ABCC4: variants seen among roughly 807,000 people sequenced by gnomAD.
The protein encoded by ABCC4 is ATP-binding cassette sub-family C member 4.
A neutral mutation model predicts 168.5 loss-of-function variants in ABCC4; 102 were observed. The observed-to-expected ratio is 0.61, with a 90% CI of 0.52 to 0.71. The LOEUF is 0.71. Among genes scored for constraint, ABCC4 ranks in the 30% least tolerant of loss-of-function variants. ABCC4 has a pLI of 0.00. For missense variants in ABCC4, 1,402 were observed against 1,605.8 expected (o/e 0.87, Z 2.17); for synonymous variants, 617 against 590.7 (o/e 1.04, Z -0.65).
chr13:95,134,650 G>A (rs2036082030), intron 19 of ABCC4, among the ~76,000 whole-genome samples: 3 of 152,084 alleles, frequency 2.0e-5, no homozygotes, highest in Admixed American at 1.3e-4. Context: ...AACCCAAGAG[G>A]CGGAGGTTGC....
intron 14 of ABCC4, among the ~76,000 whole-genome samples, chr13:95,167,932 T>A (rs551464083): frequency 6.6e-6 from 1 of 152,310 alleles, no homozygotes; most frequent in East Asian, 1.9e-4. Context: ...AATGGCGCGA[T>A]CTCGGCTCAC....
intron 1 of ABCC4, among the ~76,000 whole-genome samples, chr13:95,284,597 C>T (rs1473785337): frequency 6.6e-6 from 1 of 152,204 alleles, no homozygotes; most frequent in African/African-American, 2.4e-5. Flanking sequence ...GATGACACGG[C>T]CTTTTCGGCA....
intron 19 of ABCC4, among the ~76,000 whole-genome samples, chr13:95,158,873 C>T (rs1358358623): frequency 1.2e-4 from 18 of 151,426 alleles, no homozygotes; most frequent in Admixed American, 1.2e-3. Context: ...AGTTCGAGAC[C>T]AGCCCGGGTA....
chr13:95,122,438 T>C (rs1251609605), intron 19 of ABCC4, among the ~76,000 whole-genome samples: 1 of 152,234 alleles, frequency 6.6e-6, no homozygotes. Flanking sequence ...TTATCTTTAT[T>C]TTACATAATT....
At chr13:95,253,726 A>G (rs890603369) in intron 1 of ABCC4, among the ~76,000 whole-genome samples, 1 of 151,966 alleles carries the variant, frequency 6.6e-6, no homozygotes, top group African/African-American at 2.4e-5. Context: ...CCTGGGCGAC[A>G]GAGCGAGACC....
At chr13:95,094,644 T>C (rs2034533601) in intron 20 of ABCC4, among the ~76,000 whole-genome samples, 1 of 151,880 alleles carries the variant, frequency 6.6e-6, no homozygotes, top group South Asian at 2.1e-4. Context: ...CAAAAGCAAA[T>C]GCAATAAAAA....
At chr13:95,265,631 T>C (rs932450919) in intron 1 of ABCC4, among the ~76,000 whole-genome samples, 4 of 151,986 alleles carry the variant, frequency 2.6e-5, no homozygotes, top group African/African-American at 9.7e-5. Context: ...TGTGAAGTGC[T>C]ACACAGGGGA....
intron 9 of ABCC4, among the ~76,000 whole-genome samples, chr13:95,189,275 A>G (rs1594264990): frequency 6.6e-6 from 1 of 150,992 alleles, no homozygotes; most frequent in East Asian, 1.9e-4. Flanking sequence ...CTGGGACTAC[A>G]GGCGCCTGCC....
At chr13:95,056,574 G>T (rs530326466) in intron 26 of ABCC4, among the ~76,000 whole-genome samples, 2 of 149,566 alleles carry the variant, frequency 1.3e-5, no homozygotes, top group African/African-American at 4.9e-5. Context: ...CATTAGGCCA[G>T]AATCCAATTG....
intron 19 of ABCC4, among the ~76,000 whole-genome samples, chr13:95,149,457 T>C (rs559605767): frequency 1.3e-5 from 2 of 152,066 alleles, no homozygotes; most frequent in Admixed American, 1.3e-4. Context: ...CATTTTATTC[T>C]CCAAAAAGAG....
intron 19 of ABCC4, among the ~76,000 whole-genome samples, chr13:95,149,801 T>C (rs4148506): frequency 0.34 from 52,314 of 151,918 alleles, 9,768 homozygotes; most frequent in African/African-American, 0.5. Context: ...TTCCTCCAAC[T>C]CCCAAAATCT....
At chr13:95,120,300 C>T (rs571455767) in intron 19 of ABCC4, among the ~76,000 whole-genome samples, 1 of 152,238 alleles carries the variant, frequency 6.6e-6, no homozygotes, top group South Asian at 2.1e-4. Context: ...GGCGCGGTGG[C>T]TCATGCCTAT....
intron 11 of ABCC4, among the ~76,000 whole-genome samples, chr13:95,182,467 T>C (rs35397377): frequency 6.6e-6 from 1 of 152,244 alleles, no homozygotes; most frequent in Non-Finnish European, 1.5e-5. Context: ...TTATTTACTG[T>C]ACTATGTATA....
chr13:95,246,700 T>A (rs1377084094), intron 3 of ABCC4, among the ~76,000 whole-genome samples: 1 of 152,194 alleles, frequency 6.6e-6, no homozygotes, highest in Admixed American at 6.5e-5. Flanking sequence ...AATAAAATAC[T>A]CTTCTTCCAT....
intron 26 of ABCC4, among the ~76,000 whole-genome samples, chr13:95,057,705 G>A (rs1440676710): frequency 6.6e-6 from 1 of 152,182 alleles, no homozygotes; most frequent in African/African-American, 2.4e-5. Context: ...TAAATGAAAG[G>A]GATAAGCCAG....
chr13:95,057,739 G>A (rs142158443), intron 26 of ABCC4, among the ~76,000 whole-genome samples: 10 of 152,316 alleles, frequency 6.6e-5, no homozygotes, highest in Non-Finnish European at 1.2e-4. Flanking sequence ...ACAGAAACTC[G>A]TGCTCCACAC....
At chr13:95,135,811 T>C (rs1208404385) in intron 19 of ABCC4, among the ~76,000 whole-genome samples, 2 of 152,238 alleles carry the variant, frequency 1.3e-5, no homozygotes, top group Non-Finnish European at 2.9e-5. Flanking sequence ...TTTTCACTTA[T>C]GTAATTTAAA....
intron 16 of ABCC4, 79 bp from the exon 17 acceptor site, chr13:95,163,726 G>T: frequency 1.6e-6 from 2 of 1,238,746 alleles, no homozygotes; most frequent in East Asian, 2.5e-5. Flanking sequence ...TCGCTAACAT[G>T]GACAACCGAA....
intron 20 of ABCC4, among the ~76,000 whole-genome samples, chr13:95,097,994 G>T (rs1158371638): frequency 6.6e-6 from 1 of 151,920 alleles, no homozygotes; most frequent in Non-Finnish European, 1.5e-5. Context: ...AAATTAGCTG[G>T]GTGTGGTGAT....
Sources: gnomAD v4.1 joint callset for allele counts (sites outside exome capture counted in the v4.1 genomes callset) on GRCh38, gnomAD v4.1.1 for gene constraint, MANE v1.5 for transcripts, NCBI Gene and HGNC (gene_info 2026-07-23, HGNC 2026-07-21) for gene names.